The following PCCA variants were observed in gnomAD, a reference collection of about 807,000 sequenced individuals.
PCCA encodes the protein propionyl-CoA carboxylase alpha chain, mitochondrial.
PCCA carries 74 observed loss-of-function variants against 101.3 expected under a neutral mutation model. The observed-to-expected ratio is 0.73, with a 90% CI of 0.61 to 0.89. The LOEUF (loss-of-function observed/expected upper bound fraction) is 0.89. Ranked by LOEUF, PCCA falls within the 40% of genes least tolerant of loss-of-function variation. The pLI, the probability that PCCA is intolerant of heterozygous loss-of-function variation, is 0.00. For missense variants in PCCA, 891 were observed against 907.0 expected, an observed-to-expected ratio of 0.98 and a Z score of 0.23; for synonymous variants, 294 against 313.6, an observed-to-expected ratio of 0.94 and a Z score of 0.66.
intron 21 of PCCA, among the ~76,000 whole-genome samples, chr13:100,494,739 C>T (rs958560712): frequency 4.6e-5 from 7 of 152,028 alleles, no homozygotes; most frequent in South Asian, 2.1e-4. Context: ...TGCTTCTTGC[C>T]TTATCTACTA....
rs113935593 is a variant in PCCA at position 100,099,209 on chromosome 13, C to G, written c.106-3674C>G. 9.9e-3 allele frequency among the ~76,000 whole-genome samples: 1,506 copies of G among 151,924 alleles called. 27 individuals are homozygous for G. The highest frequency in any genetic ancestry group is 0.026 in the African/African-American group (1,075 of 41,422). Reference sequence around the variant, plus strand: ...TTAACAACAGTAGTTTTGGTTTTGGCAGAAATAGTGTTCAGATTGTTCTTT... The same window carrying G: ...TTAACAACAGTAGTTTTGGTTTTGGGAGAAATAGTGTTCAGATTGTTCTTT... On this transcript the variant is annotated intron_variant, in intron 1 of 23. Coordinates refer to ENST00000376285, the MANE Select transcript of PCCA (RefSeq NM_000282.4).
intron 4 of PCCA, among the ~76,000 whole-genome samples, chr13:100,136,065 T>C (rs536159956): frequency 6.6e-6 from 1 of 152,246 alleles, no homozygotes; most frequent in South Asian, 2.1e-4. Flanking sequence ...ACATCATTAT[T>C]ATGAGGGACA....
intron 22 of PCCA, among the ~76,000 whole-genome samples, chr13:100,517,868 A>G (rs2152999820): frequency 6.6e-6 from 1 of 152,184 alleles, no homozygotes; most frequent in African/African-American, 2.4e-5. Context: ...CGCAACTTCT[A>G]TAGTTAAATT....
chr13:100,255,520 T>C (rs931260545), intron 8 of PCCA, among the ~76,000 whole-genome samples: 1 of 152,184 alleles, frequency 6.6e-6, no homozygotes, highest in Non-Finnish European at 1.5e-5. Flanking sequence ...TCTCAGCTCT[T>C]GTGGCTTCCT....
At chr13:100,443,897 C>T (rs1456031831) in intron 20 of PCCA, among the ~76,000 whole-genome samples, 4 of 152,074 alleles carry the variant, frequency 2.6e-5, no homozygotes, top group Admixed American at 2.6e-4. Flanking sequence ...GTGTTTTACT[C>T]GGTCTCCTAG....
intron 22 of PCCA, among the ~76,000 whole-genome samples, chr13:100,518,636 T>G (rs949203007): frequency 6.6e-6 from 1 of 152,230 alleles, no homozygotes; most frequent in Non-Finnish European, 1.5e-5. Context: ...CACAGTAAAA[T>G]GCAGGTAAGC....
At chr13:100,475,527 T>G (rs2083351672) in intron 21 of PCCA, among the ~76,000 whole-genome samples, 1 of 152,238 alleles carries the variant, frequency 6.6e-6, no homozygotes, top group Non-Finnish European at 1.5e-5. Context: ...TGGATATACC[T>G]TAACATTTTA....
intron 19 of PCCA, among the ~76,000 whole-genome samples, chr13:100,372,476 A>ATT (rs1344009603): frequency 2.6e-5 from 4 of 152,194 alleles, no homozygotes; most frequent in African/African-American, 9.6e-5. Context: ...CAAAAGATAA[A>ATT]TTGGACTATG....
intron 10 of PCCA, among the ~76,000 whole-genome samples, chr13:100,266,039 T>G (rs899485494): frequency 5.9e-5 from 9 of 152,178 alleles, no homozygotes; most frequent in African/African-American, 2.2e-4. Flanking sequence ...TATTTAAATC[T>G]GTAATTTAAG....
At chr13:100,201,857 C>CAAAAAAA (rs55669622) in intron 6 of PCCA, among the ~76,000 whole-genome samples, 5 of 60,742 alleles carry the variant, frequency 8.2e-5, no homozygotes, top group Non-Finnish European at 1.1e-4. Flanking sequence ...AACTGCGTCT[C>CAAAAAAA]AAAAAAAAAA....
At chr13:100,326,105 G>A (rs2184554) in intron 16 of PCCA, among the ~76,000 whole-genome samples, 2,867 of 152,274 alleles carry the variant, frequency 0.019, 111 homozygotes, top group East Asian at 0.12. Context: ...AAGCCATCAA[G>A]CCCAAAATTT....
At position 100,336,908 on chromosome 13, in the gene PCCA, T is replaced by C. The variant is rs1456240828; in HGVS notation, c.1541-3249T>C. Among the ~76,000 whole-genome samples, 10 of 152,282 alleles carry C rather than the reference T, an allele frequency of 6.6e-5. No homozygotes were observed. In the East Asian group the frequency reaches 1.9e-3, roughly 29 times the overall value. ...GTGACTTGCTCCTCTGAAGAGTGCTTGAGGCTGCATGTGTCCTGCATGTGA... is the reference window on the plus strand; with the variant it reads ...GTGACTTGCTCCTCTGAAGAGTGCTCGAGGCTGCATGTGTCCTGCATGTGA... On this transcript the variant is annotated intron_variant, in intron 17 of 23. Transcript: ENST00000376285.
chr13:100,211,766 G>A (rs2152482969), intron 7 of PCCA, among the ~76,000 whole-genome samples: 1 of 151,976 alleles, frequency 6.6e-6, no homozygotes, highest in African/African-American at 2.4e-5. Flanking sequence ...TTTGAGACAA[G>A]GTCTTGTTCT....
intron 20 of PCCA, among the ~76,000 whole-genome samples, chr13:100,438,729 C>T (rs1399879041): frequency 6.6e-6 from 1 of 151,530 alleles, no homozygotes; most frequent in Non-Finnish European, 1.5e-5. Context: ...CTGTAAGTTC[C>T]CCCAAGAAAA....
At chr13:100,277,198 T>TTTA (rs1331420065) in intron 12 of PCCA, among the ~76,000 whole-genome samples, 1 of 152,128 alleles carries the variant, frequency 6.6e-6, no homozygotes, top group East Asian at 1.9e-4. Context: ...GTTGCATTCC[T>TTTA]TTATGGTGCC....
At chr13:100,299,936 A>T (rs1165904155) in intron 12 of PCCA, among the ~76,000 whole-genome samples, 1 of 152,052 alleles carries the variant, frequency 6.6e-6, no homozygotes, top group Non-Finnish European at 1.5e-5. Context: ...CTGGTCTCAA[A>T]CTCCTGACCT....
intron 19 of PCCA, among the ~76,000 whole-genome samples, chr13:100,400,849 C>T (rs1303466498): frequency 2.0e-5 from 3 of 151,940 alleles, no homozygotes; most frequent in Non-Finnish European, 4.4e-5. Context: ...TGGTTTCGAA[C>T]TCCTGATCTC....
chr13:100,152,738 G>A lies in PCCA; in HGVS notation c.301-2241G>A, dbSNP rs958370131. ...TGGGATTACAGGCATGAGCCACCGC[G>A]CCCGGCCTAGTTCTTGGTATGTTTA... is the stretch of plus-strand genomic sequence containing the variant. On this transcript the variant is annotated intron_variant, in intron 4 of 23. Coordinates refer to ENST00000376285, the MANE Select transcript of PCCA (RefSeq NM_000282.4). Among the ~76,000 whole-genome samples, 11 of 152,280 alleles carry A rather than the reference G, an allele frequency of 7.2e-5. No homozygotes were observed. In the East Asian group the frequency reaches 1.2e-3, roughly 16 times the overall value.
intron 9 of PCCA, 135 bp downstream of exon 9, chr13:100,257,808 G>C (rs934778370): frequency 1.5e-6 from 1 of 684,532 alleles, no homozygotes; most frequent in Non-Finnish European, 2.7e-6. Flanking sequence ...TTTTGAATGG[G>C]AAAAAGATTG....
Sources: gnomAD v4.1 joint callset for allele counts (sites outside exome capture counted in the v4.1 genomes callset) on GRCh38, gnomAD v4.1.1 for gene constraint, MANE v1.5 for transcripts, NCBI Gene and HGNC (gene_info 2026-07-23, HGNC 2026-07-21) for gene names.